CDKAL1: variants seen among roughly 807,000 people sequenced by gnomAD.
The protein encoded by CDKAL1 is CDKAL1 threonylcarbamoyladenosine tRNA methylthiotransferase.
In CDKAL1, 32 loss-of-function variants were observed where a neutral mutation model predicts 68.2. That is an observed-to-expected ratio of 0.47 (90% CI 0.35 to 0.63). The LOEUF (loss-of-function observed/expected upper bound fraction) is 0.63, where lower values mean the gene tolerates loss of function less well. Among genes scored for constraint, CDKAL1 ranks in the 30% least tolerant of loss-of-function variants. The probability of loss-of-function intolerance (pLI) is 0.00; values close to 1 mark genes in which losing one functional copy is unlikely to be tolerated. For synonymous variants in CDKAL1, 234 were observed against 244.3 expected, an observed-to-expected ratio of 0.96 and a Z score of 0.39; for missense variants, 606 against 696.7, an observed-to-expected ratio of 0.87 and a Z score of 1.47.
intron 5 of CDKAL1, among the ~76,000 whole-genome samples, chr6:20,681,357 C>A (rs900613737): frequency 6.6e-6 from 1 of 152,228 alleles, no homozygotes; most frequent in African/African-American, 2.4e-5. Flanking sequence ...CTGTCACCCA[C>A]TTGTGCCCAG....
Position 20,639,323 on chromosome 6 carries a change from A to G in CDKAL1, c.287-9970A>G, listed in dbSNP as rs537494034. Among the ~76,000 whole-genome samples, 375 of 152,154 alleles carry G rather than the reference A, an allele frequency of 2.5e-3. 2 individuals carry two copies. Among genetic ancestry groups the G allele is most frequent in the African/African-American group, 8.3e-3 (346 of 41,508 alleles). On this transcript the variant is annotated intron_variant, in intron 4 of 15. Coordinates refer to ENST00000274695, the MANE Select transcript of CDKAL1 (RefSeq NM_017774.3). Reference sequence around the variant, plus strand: ...TAACTGCTTCTTCCTAGTAGCTTCTATTTCCTTTAGTCAGAGACTCACTCT... The same window carrying G: ...TAACTGCTTCTTCCTAGTAGCTTCTGTTTCCTTTAGTCAGAGACTCACTCT...
chr6:20,760,475 A>C (rs948248758), intron 7 of CDKAL1, among the ~76,000 whole-genome samples: 1 of 152,232 alleles, frequency 6.6e-6, no homozygotes, highest in Non-Finnish European at 1.5e-5. Context: ...TTTAACCTTC[A>C]TAATAGTACT....
intron 12 of CDKAL1, among the ~76,000 whole-genome samples, chr6:21,088,530 C>T (rs1046922188): frequency 6.6e-6 from 1 of 152,298 alleles, no homozygotes; most frequent in East Asian, 1.9e-4. Flanking sequence ...TGGAGCATAG[C>T]TAGTTCAAAA....
At chr6:20,978,410 A>G (rs1242171554) in intron 10 of CDKAL1, among the ~76,000 whole-genome samples, 1 of 152,236 alleles carries the variant, frequency 6.6e-6, no homozygotes, top group Non-Finnish European at 1.5e-5. Flanking sequence ...CAGTCTTGCC[A>G]TTTCAAAATT....
chr6:21,070,849 C>T (rs926520377), intron 12 of CDKAL1, among the ~76,000 whole-genome samples: 15 of 152,206 alleles, frequency 9.9e-5, no homozygotes, highest in African/African-American at 3.6e-4. Context: ...AAATTGTAGT[C>T]CCTGAACAGC....
At chr6:20,716,284 G>T (rs1772087895) in intron 5 of CDKAL1, among the ~76,000 whole-genome samples, 1 of 152,148 alleles carries the variant, frequency 6.6e-6, no homozygotes, top group African/African-American at 2.4e-5. Flanking sequence ...AGGTCAAATG[G>T]GGCCTATTTT....
chr6:21,078,904 G>A (rs192407532), intron 12 of CDKAL1, among the ~76,000 whole-genome samples: 1 of 152,132 alleles, frequency 6.6e-6, no homozygotes, highest in Non-Finnish European at 1.5e-5. Context: ...AAATGTGGGG[G>A]CTAATCTTTC....
chr6:20,840,731 T>C (rs1778142209), intron 8 of CDKAL1, among the ~76,000 whole-genome samples: 1 of 152,238 alleles, frequency 6.6e-6, no homozygotes, highest in Non-Finnish European at 1.5e-5. Flanking sequence ...GAAGATCTTA[T>C]CAGATTCTGT....
chr6:21,202,022 A>G (rs1778711249), intron 15 of CDKAL1, among the ~76,000 whole-genome samples: 1 of 152,184 alleles, frequency 6.6e-6, no homozygotes, highest in Non-Finnish European at 1.5e-5. Flanking sequence ...TTATCTGGCC[A>G]TGTAATTCCG....
At chr6:20,599,796 A>G (rs1766002514) in intron 4 of CDKAL1, among the ~76,000 whole-genome samples, 1 of 152,172 alleles carries the variant, frequency 6.6e-6, no homozygotes, top group Non-Finnish European at 1.5e-5. Context: ...TGATAGCTTA[A>G]GGTATACTGA....
At chr6:20,838,617 G>A (rs183902332) in intron 8 of CDKAL1, among the ~76,000 whole-genome samples, 1 of 152,248 alleles carries the variant, frequency 6.6e-6, no homozygotes, top group Admixed American at 6.5e-5. Flanking sequence ...TTGCTATTAA[G>A]GGTGTGGGAC....
chr6:20,727,128 A>G (rs1772691415), intron 5 of CDKAL1, among the ~76,000 whole-genome samples: 1 of 152,150 alleles, frequency 6.6e-6, no homozygotes, highest in East Asian at 1.9e-4. Context: ...TAGCCATAGG[A>G]ATTTAGAAAA....
chr6:20,712,560 AAAAACACCTAATCAGAGGT>A (rs1160684925), intron 5 of CDKAL1, among the ~76,000 whole-genome samples: 6 of 152,164 alleles, frequency 3.9e-5, no homozygotes, highest in Non-Finnish European at 8.8e-5. Context: ...AAGAAAAGAA[AAAAACACCTAATCAGAGGT>A]AAGCACCATT....
chr6:20,878,309 G>C (rs1402007789), intron 9 of CDKAL1, among the ~76,000 whole-genome samples: 1 of 152,100 alleles, frequency 6.6e-6, no homozygotes, highest in Admixed American at 6.5e-5. Context: ...TTATCTGTTC[G>C]TACCTAATAA....
intron 10 of CDKAL1, among the ~76,000 whole-genome samples, chr6:20,986,206 G>T (rs534680250): frequency 2.0e-5 from 3 of 152,076 alleles, no homozygotes; most frequent in Non-Finnish European, 4.4e-5. Flanking sequence ...TGAGGAAATT[G>T]GGCTCAGACC....
Position 21,231,191 on chromosome 6 carries a change from C to G in CDKAL1, c.*152C>G, listed in dbSNP as rs983525938. Reference sequence around the variant, plus strand: ...GCCACTCTTCTTAATGAGGCTCCCCCTGTCTCACATTGAGTTGGGCCCATT... The same window carrying G: ...GCCACTCTTCTTAATGAGGCTCCCCGTGTCTCACATTGAGTTGGGCCCATT... On this transcript the variant is annotated 3_prime_UTR_variant, in exon 16 of 16. Transcript: ENST00000274695. 2 of 531,628 alleles carry G rather than the reference C, an allele frequency of 3.8e-6. No homozygotes were observed. Among genetic ancestry groups the G allele is most frequent in the South Asian group, 4.1e-5 (1 of 24,144 alleles). 32.9% of individuals were successfully genotyped at this position (531,628 alleles called of 1,614,324 possible).
intron 8 of CDKAL1, among the ~76,000 whole-genome samples, chr6:20,799,370 C>CTGTT (rs1776271928): frequency 6.6e-6 from 1 of 151,920 alleles, no homozygotes; most frequent in South Asian, 2.1e-4. Context: ...AGCTTTTGAA[C>CTGTT]TGTTGCTAAG....
At chr6:20,787,055 G>C (rs1484647093) in intron 8 of CDKAL1, among the ~76,000 whole-genome samples, 1 of 151,988 alleles carries the variant, frequency 6.6e-6, no homozygotes, top group Admixed American at 6.6e-5. Flanking sequence ...ATTATCCTTA[G>C]CTTGAAGGTT....
chr6:20,808,854 C>T (rs1402267631), intron 8 of CDKAL1, among the ~76,000 whole-genome samples: 2 of 152,118 alleles, frequency 1.3e-5, no homozygotes, highest in Non-Finnish European at 2.9e-5. Flanking sequence ...TTTCACTGGG[C>T]TCCTGAAATA....
Sources: allele counts gnomAD v4.1 joint callset (sites outside exome capture counted in the v4.1 genomes callset), GRCh38; gene constraint gnomAD v4.1.1; transcripts MANE v1.5; gene names NCBI Gene and HGNC (gene_info 2026-07-23, HGNC 2026-07-21).